The following TLK2 variants were observed in gnomAD, a reference collection of about 807,000 sequenced individuals.
TLK2 encodes the protein tousled like kinase 2.
Under a neutral mutation model 117.3 loss-of-function variants are expected in TLK2, and 6 were observed. The observed-to-expected ratio is 0.05, with a 90% CI of 0.03 to 0.10. The LOEUF is 0.10. TLK2 is among the 10% of genes least tolerant of loss of function. The pLI is 1.00. For missense variants in TLK2, 299 were observed against 901.2 expected, an observed-to-expected ratio of 0.33 and a Z score of 8.56; for synonymous variants, 257 against 316.7, an observed-to-expected ratio of 0.81 and a Z score of 2.00.
intron 2 of TLK2, among the ~76,000 whole-genome samples, chr17:62,498,353 A>C (rs1364917372): frequency 2.0e-5 from 3 of 151,702 alleles, no homozygotes; most frequent in Non-Finnish European, 4.4e-5. Context: ...AGATTTAGTT[A>C]ACTTAAACAT....
chr17:62,580,314 T>A, intron 15 of TLK2, 122 bp downstream of exon 15: 1 of 626,834 alleles, frequency 1.6e-6, no homozygotes, highest in Non-Finnish European at 2.6e-6. Context: ...TCAAAAACTT[T>A]AAAAACCTGT....
At chr17:62,528,805 TTGTC>T (rs2076550342) in intron 6 of TLK2, among the ~76,000 whole-genome samples, 2 of 152,208 alleles carry the variant, frequency 1.3e-5, no homozygotes, top group African/African-American at 4.8e-5. Flanking sequence ...CCTAAAATAT[TTGTC>T]TGGTCCTTCA....
At chr17:62,502,129 G>T (rs780878653) in intron 2 of TLK2, among the ~76,000 whole-genome samples, 24 of 149,254 alleles carry the variant, frequency 1.6e-4, no homozygotes, top group Admixed American at 6.8e-5. Flanking sequence ...GAAAACTGTA[G>T]CTCAATATCC....
chr17:62,553,805 A>G (rs2078650334), intron 9 of TLK2, 50 bp downstream of exon 9: 3 of 1,188,410 alleles, frequency 2.5e-6, no homozygotes, highest in African/African-American at 3.0e-5. Flanking sequence ...TTTGTTATAT[A>G]TATTTGGATT....
chr17:62,508,126 G>T (rs1479663412), intron 2 of TLK2, among the ~76,000 whole-genome samples: 4 of 147,304 alleles, frequency 2.7e-5, no homozygotes, highest in Non-Finnish European at 6.0e-5. Flanking sequence ...TTAAATTTGT[G>T]AAATTAACAA....
chr17:62,593,535 T>A lies in TLK2; in HGVS notation c.1461-3050T>A, dbSNP rs189727199. On this transcript the variant is annotated intron_variant, in intron 16 of 21. Transcript: ENST00000346027. ...GCTTTTTTCTATTACAATTTTTTTT[T>A]ATTTTTAAACATTTTTTGTTAAGAA... 1.6e-3 allele frequency among the ~76,000 whole-genome samples: 244 copies of A among 152,278 alleles called. 2 individuals carry two copies. Among genetic ancestry groups the A allele is most frequent in the Middle Eastern group, 0.014 (4 of 294 alleles).
chr17:62,536,963 C>T (rs2077157753), intron 7 of TLK2, among the ~76,000 whole-genome samples: 1 of 152,216 alleles, frequency 6.6e-6, no homozygotes, highest in Non-Finnish European at 1.5e-5. Flanking sequence ...GCTATGAGTG[C>T]AATTTGAACC....
upstream of TLK2, among the ~76,000 whole-genome samples, chr17:62,475,341 CAATAAT>C (rs931855951): frequency 1.3e-5 from 2 of 152,024 alleles, no homozygotes; most frequent in South Asian, 2.1e-4. Flanking sequence ...TCAAGAATAA[CAATAAT>C]AATAATTATT....
chr17:62,567,407 A>G (rs2079884520), intron 11 of TLK2, among the ~76,000 whole-genome samples: 1 of 152,214 alleles, frequency 6.6e-6, no homozygotes, highest in African/African-American at 2.4e-5. Flanking sequence ...GAGACTATGT[A>G]AATGAAATCC....
At chr17:62,531,594 C>G (rs779396870) in intron 6 of TLK2, among the ~76,000 whole-genome samples, 16 of 151,614 alleles carry the variant, frequency 1.1e-4, no homozygotes, top group Non-Finnish European at 1.8e-4. Context: ...ACTGTGTACT[C>G]CTCATTGTTC....
intron 5 of TLK2, among the ~76,000 whole-genome samples, chr17:62,523,507 G>T (rs911040313): frequency 2.0e-5 from 3 of 152,236 alleles, no homozygotes; most frequent in Non-Finnish European, 4.4e-5. Context: ...TTGAGCCTGA[G>T]AAGTCGAGGC....
intron 6 of TLK2, among the ~76,000 whole-genome samples, chr17:62,529,691 T>C (rs1300180908): frequency 2.0e-5 from 3 of 152,244 alleles, no homozygotes; most frequent in African/African-American, 7.2e-5. Flanking sequence ...AAGTCTAAAA[T>C]TTTTTATTAT....
At chr17:62,523,848 A>T (rs142888138) in intron 5 of TLK2, among the ~76,000 whole-genome samples, 186 of 152,356 alleles carry the variant, frequency 1.2e-3, no homozygotes, top group African/African-American at 4.3e-3. Context: ...CCTTTAGTAC[A>T]GTGGAACATG....
chr17:62,605,366 T>C (rs2083206953), intron 19 of TLK2, among the ~76,000 whole-genome samples: 1 of 152,082 alleles, frequency 6.6e-6, no homozygotes, highest in Non-Finnish European at 1.5e-5. Context: ...CATTACTGCC[T>C]CCCTAAGTTA....
chr17:62,548,732 CT>C (rs888905253), intron 7 of TLK2, among the ~76,000 whole-genome samples: 2 of 151,334 alleles, frequency 1.3e-5, no homozygotes, highest in Admixed American at 6.6e-5. Context: ...TCATTTGATT[CT>C]TTTTTTTATT....
chr17:62,584,522 G>C (rs1424745626), intron 15 of TLK2, among the ~76,000 whole-genome samples: 2 of 152,140 alleles, frequency 1.3e-5, no homozygotes, highest in South Asian at 2.1e-4. Flanking sequence ...AAGTTCAAAA[G>C]TTTCCATTTT....
At chr17:62,556,270 A>G (rs2078857401) in intron 9 of TLK2, among the ~76,000 whole-genome samples, 1 of 152,194 alleles carries the variant, frequency 6.6e-6, no homozygotes, top group Non-Finnish European at 1.5e-5. Flanking sequence ...CTAAGTTCTT[A>G]TGTATAGAGT....
At chr17:62,612,342 A>AG in intron 21 of TLK2, 50 bp from the exon 22 acceptor site, 1 of 1,584,426 alleles carries the variant, frequency 6.3e-7, no homozygotes, top group Non-Finnish European at 8.6e-7. Context: ...GGTTCCCTCC[A>AG]GGGGTGCCAA....
At position 62,493,764 on chromosome 17, in the gene TLK2, C is replaced by CT. The variant is rs558304533; in HGVS notation, c.81+12569dup. On this transcript the variant is annotated intron_variant, in intron 2 of 21. Coordinates refer to ENST00000346027, the MANE Select transcript of TLK2 (RefSeq NM_006852.6). ...AACTTGGCAAGTTACATAGGATAGT[C>CT]TTTTTTTTTTTGAGATGGAGTCTTG... Among the ~76,000 whole-genome samples, 537 of 147,162 alleles carry CT rather than the reference C, an allele frequency of 3.6e-3. 2 individuals are homozygous for CT. The highest frequency in any genetic ancestry group is 0.012 in the African/African-American group (471 of 40,392).
Sources: allele counts gnomAD v4.1 joint callset (sites outside exome capture counted in the v4.1 genomes callset), GRCh38; gene constraint gnomAD v4.1.1; transcripts MANE v1.5; gene names NCBI Gene and HGNC (gene_info 2026-07-23, HGNC 2026-07-21).